The following CADM2 variants were observed in gnomAD, a reference collection of about 807,000 sequenced individuals.
CADM2 encodes the protein cell adhesion molecule 2.
Under a neutral mutation model 49.8 loss-of-function variants are expected in CADM2, and 12 were observed. The observed-to-expected ratio is 0.24, with a 90% confidence interval of 0.15 to 0.39. The LOEUF (loss-of-function observed/expected upper bound fraction) is 0.39, where lower values mean the gene tolerates loss of function less well. Among genes scored for constraint, CADM2 ranks in the 10% least tolerant of loss-of-function variants. CADM2 has a pLI of 1.00. For missense variants in CADM2, 378 were observed against 492.3 expected, an observed-to-expected ratio of 0.77 and a Z score of 2.20; for synonymous variants, 214 against 175.4, an observed-to-expected ratio of 1.22 and a Z score of -1.74.
chr3:85,616,812 T>C (rs905210418), intron 1 of CADM2, among the ~76,000 whole-genome samples: 1 of 152,152 alleles, frequency 6.6e-6, no homozygotes, highest in East Asian at 1.9e-4. Flanking sequence ...GACTATGCCA[T>C]TGGATACGAA....
intron 1 of CADM2, among the ~76,000 whole-genome samples, chr3:85,618,224 G>C (rs1463776166): frequency 1.3e-5 from 2 of 152,022 alleles, no homozygotes; most frequent in Non-Finnish European, 2.9e-5. Context: ...CTGGAATTCT[G>C]AGATATCCCG....
At chr3:85,265,539 G>C (rs1292450423) in intron 1 of CADM2, among the ~76,000 whole-genome samples, 1 of 151,822 alleles carries the variant, frequency 6.6e-6, no homozygotes, top group African/African-American at 2.4e-5. Context: ...ATCCATTCCC[G>C]GAGTAACAAA....
intron 1 of CADM2, among the ~76,000 whole-genome samples, chr3:85,085,439 T>C (rs769702030): frequency 2.0e-5 from 3 of 152,092 alleles, no homozygotes; most frequent in Non-Finnish European, 4.4e-5. Context: ...TATATGTATA[T>C]GTATTACATA....
rs752314806 is a variant in CADM2, at chr3:85,726,554, C to T, written c.88+6C>T. 1 of 1,609,530 alleles carries T rather than the reference C, an allele frequency of 6.2e-7. No homozygotes were observed. The highest frequency in any genetic ancestry group is 1.3e-5 in the African/African-American group (1 of 74,786). On this transcript the variant is annotated splice_donor_region_variant and intron_variant, in intron 2 of 9. Transcript: ENST00000383699. ...TTCAAAGAATAAAGTTAAAGGTGAG[C>T]TCCTGTTTATTCTGCATGAGTCATC...
At chr3:85,448,298 A>T (rs1345996327) in intron 1 of CADM2, among the ~76,000 whole-genome samples, 1 of 145,426 alleles carries the variant, frequency 6.9e-6, no homozygotes, top group African/African-American at 2.6e-5. Flanking sequence ...GCGCCACTGC[A>T]CTCCAGCCTG....
At chr3:85,132,316 T>G in intron 1 of CADM2, among the ~76,000 whole-genome samples, 1 of 152,198 alleles carries the variant, frequency 6.6e-6, no homozygotes, top group African/African-American at 2.4e-5. Flanking sequence ...AACCTTTAAC[T>G]GGCCTTATAT....
intron 1 of CADM2, among the ~76,000 whole-genome samples, chr3:85,598,107 A>G (rs2063296107): frequency 6.6e-6 from 1 of 152,050 alleles, no homozygotes; most frequent in Non-Finnish European, 1.5e-5. Context: ...TCAGACCGAC[A>G]CGGTGGTAAA....
At chr3:86,018,068 C>G (rs868426553) in intron 8 of CADM2, among the ~76,000 whole-genome samples, 117 of 121,794 alleles carry the variant, frequency 9.6e-4, no homozygotes, top group South Asian at 8.1e-3. Context: ...TGATATTCCC[C>G]TTCCTGTGTC....
chr3:85,315,660 T>C (rs972614977), intron 1 of CADM2, among the ~76,000 whole-genome samples: 1 of 152,186 alleles, frequency 6.6e-6, no homozygotes, highest in African/African-American at 2.4e-5. Flanking sequence ...AATAATGGAA[T>C]GCAATTCAAT....
intron 1 of CADM2, among the ~76,000 whole-genome samples, chr3:85,321,812 C>A (rs568861752): frequency 4.5e-4 from 69 of 152,242 alleles, no homozygotes; most frequent in African/African-American, 1.6e-3. Flanking sequence ...ATACAAACAT[C>A]TTTAATTTTA....
chr3:85,718,099 A>T (rs2067362346), intron 1 of CADM2, among the ~76,000 whole-genome samples: 1 of 152,146 alleles, frequency 6.6e-6, no homozygotes, highest in African/African-American at 2.4e-5. Flanking sequence ...ATGTGTCAAT[A>T]AATATTTCTT....
chr3:85,235,558 TA>T (rs1192088331), intron 1 of CADM2, among the ~76,000 whole-genome samples: 3 of 152,148 alleles, frequency 2.0e-5, no homozygotes, highest in African/African-American at 7.2e-5. Flanking sequence ...GATTTTATCT[TA>T]ATTTTATAAT....
chr3:85,049,161 C>T (rs946470242), intron 1 of CADM2, among the ~76,000 whole-genome samples: 1 of 151,852 alleles, frequency 6.6e-6, no homozygotes, highest in Non-Finnish European at 1.5e-5. Context: ...AGATCATTAG[C>T]GATCTTAGTG....
intron 1 of CADM2, among the ~76,000 whole-genome samples, chr3:85,488,535 G>C (rs2039527144): frequency 6.6e-6 from 1 of 151,724 alleles, no homozygotes; most frequent in South Asian, 2.1e-4. Flanking sequence ...GTTTTGTTTT[G>C]TTTTGTTTTT....
At chr3:85,623,741 T>A (rs1381062070) in intron 1 of CADM2, among the ~76,000 whole-genome samples, 1 of 152,178 alleles carries the variant, frequency 6.6e-6, no homozygotes, top group Non-Finnish European at 1.5e-5. Context: ...GCTGAGTAAA[T>A]TTAATTTGTG....
chr3:85,976,056 T>A (rs939033639), intron 8 of CADM2, among the ~76,000 whole-genome samples: 2 of 151,554 alleles, frequency 1.3e-5, no homozygotes, highest in East Asian at 3.9e-4. Flanking sequence ...ATGGAAAAAA[T>A]TAATAAGTTA....
intron 6 of CADM2, among the ~76,000 whole-genome samples, chr3:85,922,023 C>G (rs1485483211): frequency 2.0e-5 from 3 of 152,128 alleles, no homozygotes; most frequent in African/African-American, 7.2e-5. Flanking sequence ...TAGTTTGATA[C>G]TGTGTCTTGA....
intron 1 of CADM2, among the ~76,000 whole-genome samples, chr3:85,522,970 T>G (rs2061061094): frequency 6.7e-6 from 1 of 149,794 alleles, no homozygotes; most frequent in Non-Finnish European, 1.5e-5. Context: ...CAGGACCACA[T>G]TATTTGTAGC....
intron 1 of CADM2, among the ~76,000 whole-genome samples, chr3:85,276,979 A>G (rs1016521339): frequency 1.3e-5 from 2 of 151,324 alleles, no homozygotes; most frequent in Non-Finnish European, 3.0e-5. Flanking sequence ...AAAATTTAAT[A>G]TGGTATTTAT....
Sources: allele counts gnomAD v4.1 joint callset (sites outside exome capture counted in the v4.1 genomes callset), GRCh38; gene constraint gnomAD v4.1.1; transcripts MANE v1.5; gene names NCBI Gene and HGNC (gene_info 2026-07-23, HGNC 2026-07-21).